COL15A1: variants seen among roughly 807,000 people sequenced by gnomAD.
COL15A1 encodes the protein collagen type XV alpha 1 chain, also known as collagen alpha-1(XV) chain.
COL15A1 carries 111 observed loss-of-function variants against 165.9 expected under a neutral mutation model. The ratio of observed to expected loss-of-function variants is 0.67; its 90% CI spans 0.57 to 0.78. COL15A1 has a LOEUF of 0.78. COL15A1 is among the 30% of genes least tolerant of loss of function. COL15A1 has a pLI of 0.00. For missense variants in COL15A1, 1,745 were observed against 1,789.7 expected, an observed-to-expected ratio of 0.98 and a Z score of 0.45; for synonymous variants, 659 against 674.8, an observed-to-expected ratio of 0.98 and a Z score of 0.36.
intron 30 of COL15A1, among the ~76,000 whole-genome samples, chr9:99,052,094 C>T (rs570563055): frequency 4.6e-5 from 7 of 152,324 alleles, no homozygotes; most frequent in African/African-American, 9.6e-5. Flanking sequence ...ACCACTGCCA[C>T]GATTTGTTGT....
rs780113490 is a variant in COL15A1 at position 99,015,564 on chromosome 9, T to C, written c.1501T>C (p.Ser501Pro). 3 of 1,613,406 alleles carry C rather than the reference T, an allele frequency of 1.9e-6. No homozygotes were observed. The South Asian group carries it at 3.3e-5, about 18-fold the overall frequency. ...CATGGCCCCTGAGCGGGCAGTCACTTCTGTAAGTGTCATCTTGTGTCCTCT... is the reference window on the plus strand; with the variant it reads ...CATGGCCCCTGAGCGGGCAGTCACTCCTGTAAGTGTCATCTTGTGTCCTCT... ...ATMAPERAVT[S>P]GPGDEEDLAA... The change falls in exon 10 of 42, where the codon TCT becomes CCT. Residue 501 changes from serine to proline, a missense_variant and splice_region_variant. Transcript: ENST00000375001.
rs766255630 is a variant in COL15A1, at chr9:99,061,920, G to A, written c.3403-51G>A. 3 of 1,582,860 alleles carry A rather than the reference G, an allele frequency of 1.9e-6. No homozygotes were observed. The South Asian group carries it at 3.5e-5, about 19-fold the overall frequency. On this transcript the variant is annotated intron_variant, in intron 36 of 41. Coordinates refer to ENST00000375001, the MANE Select transcript of COL15A1 (RefSeq NM_001855.5). ...CAGAGAGGCCAGGTTATCAGATGGT[G>A]CCATTCCTCTAATGATAATGGCAGT...
rs1250240107 is a variant in COL15A1, at chr9:98,977,127, C to A, written c.101-8438C>A. On this transcript the variant is annotated intron_variant, in intron 2 of 41. Coordinates refer to ENST00000375001, the MANE Select transcript of COL15A1 (RefSeq NM_001855.5). ...TCTGTGTGCTAAGCAGTGTGCTAAA[C>A]ATTTTAGGTATATTATTTTATTTAA... 3.9e-5 allele frequency among the ~76,000 whole-genome samples: 6 copies of A among 152,268 alleles called. No individual in the cohort carries two copies. The South Asian group carries it at 1.2e-3, about 32-fold the overall frequency.
chr9:99,018,672 C>G (rs867653619), intron 11 of COL15A1, among the ~76,000 whole-genome samples: 2 of 152,142 alleles, frequency 1.3e-5, no homozygotes, highest in African/African-American at 4.8e-5. Flanking sequence ...AACAATGGAA[C>G]ATTATGTAGC....
chr9:99,034,967 A>G (rs1430695084), intron 17 of COL15A1, 47 bp from the exon 18 acceptor site: 2 of 1,554,358 alleles, frequency 1.3e-6, no homozygotes, highest in Non-Finnish European at 1.8e-6. Context: ...TGTTCCTTCC[A>G]TGAGTGAACC....
At chr9:99,001,552 C>A (rs542142012) in intron 7 of COL15A1, among the ~76,000 whole-genome samples, 83 of 152,252 alleles carry the variant, frequency 5.5e-4, no homozygotes, top group Middle Eastern at 3.4e-3. Flanking sequence ...AAAGTCAAGC[C>A]CAGCATAATA....
rs1839361086 is a variant in COL15A1 at position 99,039,393 on chromosome 9, T to C, written c.2475+660T>C. 3.3e-5 allele frequency among the ~76,000 whole-genome samples: 5 copies of C among 152,034 alleles called. No individual in the cohort carries two copies. In the South Asian group the frequency reaches 1.0e-3, roughly 32 times the overall value. On this transcript the variant is annotated intron_variant, in intron 22 of 41. Transcript: ENST00000375001. ...GCATGGTGGCATGTGCCTGTAATCC[T>C]AGCTACTTGGGAGGCTGAGGCACGA...
chr9:98,956,879 G>A (rs932808679), intron 2 of COL15A1, among the ~76,000 whole-genome samples: 2 of 152,178 alleles, frequency 1.3e-5, no homozygotes, highest in African/African-American at 2.4e-5. Flanking sequence ...CAAGATCCTC[G>A]GTGATTCGTG....
At chr9:99,022,361 T>C (rs995241473) in intron 13 of COL15A1, among the ~76,000 whole-genome samples, 4 of 152,182 alleles carry the variant, frequency 2.6e-5, no homozygotes, top group East Asian at 3.9e-4. Context: ...ATCCCAGAAG[T>C]TCTTCAAACT....
chr9:98,968,792 C>T (rs1376703947), intron 2 of COL15A1, among the ~76,000 whole-genome samples: 1 of 152,146 alleles, frequency 6.6e-6, no homozygotes, highest in Non-Finnish European at 1.5e-5. Context: ...CCTATAGCTT[C>T]CTGCCTGGGG....
At chr9:98,948,719 T>A (rs1837629516) in intron 2 of COL15A1, among the ~76,000 whole-genome samples, 1 of 152,166 alleles carries the variant, frequency 6.6e-6, no homozygotes, top group Admixed American at 6.5e-5. Flanking sequence ...CTGGTAAAGT[T>A]TCAGGGTCAT....
chr9:99,055,572 G>A lies in COL15A1; in HGVS notation c.3192+200G>A, dbSNP rs554643202. Among the ~76,000 whole-genome samples, 9 of 152,326 alleles carry A rather than the reference G, an allele frequency of 5.9e-5. No homozygotes were observed. In the East Asian group the frequency reaches 1.7e-3, roughly 29 times the overall value. ...CCTGGAGAGAAGGTAGCTGGTCAAG[G>A]CCACATGAAGGTAGGTAACTTCCAG... On this transcript the variant is annotated intron_variant, in intron 34 of 41. Coordinates refer to ENST00000375001, the MANE Select transcript of COL15A1 (RefSeq NM_001855.5).
At position 99,070,644 on chromosome 9, in the gene COL15A1, G is replaced by T. The variant is rs966104313; in HGVS notation, c.*758G>T. 1.3e-5 allele frequency: 6 copies of T among 452,944 alleles called. No individual in the cohort carries two copies. The highest frequency in any genetic ancestry group is 8.0e-5 in the African/African-American group (4 of 49,884). The allele number at this position is 452,944 out of a possible 1,614,324, so 28.1% of individuals were successfully genotyped here. Reference sequence around the variant, plus strand: ...CCCACAATTTTATGACTTCCATTTGGCAATTGTTGAATTATAACTGCGACT... The same window carrying T: ...CCCACAATTTTATGACTTCCATTTGTCAATTGTTGAATTATAACTGCGACT... On this transcript the variant is annotated 3_prime_UTR_variant, in exon 42 of 42. Coordinates refer to ENST00000375001, the MANE Select transcript of COL15A1 (RefSeq NM_001855.5).
chr9:99,027,182 C>T (rs1486111745), intron 16 of COL15A1, among the ~76,000 whole-genome samples: 1 of 152,134 alleles, frequency 6.6e-6, no homozygotes, highest in Non-Finnish European at 1.5e-5. Flanking sequence ...AAGGTGAGCC[C>T]TGTGCTAGGG....
At chr9:99,032,966 G>A (rs1468075795) in intron 16 of COL15A1, among the ~76,000 whole-genome samples, 1 of 152,196 alleles carries the variant, frequency 6.6e-6, no homozygotes, top group Non-Finnish European at 1.5e-5. Context: ...GAGAATGTGT[G>A]TCTTATACTC....
chr9:99,021,684 A>G (rs895921039), intron 12 of COL15A1, among the ~76,000 whole-genome samples: 1 of 152,186 alleles, frequency 6.6e-6, no homozygotes, highest in African/African-American at 2.4e-5. Flanking sequence ...ACTGTGAGCA[A>G]TGATGTTCCT....
At position 99,025,980 on chromosome 9, in the gene COL15A1, G is replaced by T; in HGVS notation, c.2043+14G>T. ...AAAGGGGAGAAGGTACGGGGAACAC[G>T]GGAGGGTCCCACCACATGGGAGCCA... On this transcript the variant is annotated intron_variant, in intron 16 of 41. Coordinates refer to ENST00000375001, the MANE Select transcript of COL15A1 (RefSeq NM_001855.5). The T allele has an allele frequency of 6.2e-7, 1 of 1,604,360 alleles. No individual in the cohort carries two copies. Among genetic ancestry groups the T allele is most frequent in the East Asian group, 2.2e-5 (1 of 44,718 alleles).
chr9:99,043,257 G>A (rs149658865), intron 24 of COL15A1, among the ~76,000 whole-genome samples: 1 of 152,134 alleles, frequency 6.6e-6, no homozygotes, highest in Middle Eastern at 3.2e-3. Context: ...CTGGGTGAAG[G>A]TTTGGCATCA....
At chr9:98,977,686 C>T (rs766240501) in intron 2 of COL15A1, among the ~76,000 whole-genome samples, 2 of 150,594 alleles carry the variant, frequency 1.3e-5, no homozygotes, top group Non-Finnish European at 3.0e-5. Flanking sequence ...CAGCGCCTAT[C>T]CATGTGTCCT....
Sources: allele counts gnomAD v4.1 joint callset (sites outside exome capture counted in the v4.1 genomes callset), GRCh38; gene constraint gnomAD v4.1.1; transcripts MANE v1.5; gene names NCBI Gene and HGNC (gene_info 2026-07-23, HGNC 2026-07-21).